Variants in HUNK observed in about 807,000 individuals in gnomAD.
The protein encoded by HUNK is hormonally up-regulated neu tumor-associated kinase.
HUNK carries 21 observed loss-of-function variants against 61.0 expected under a neutral mutation model. That is an observed-to-expected ratio of 0.34 (90% CI 0.24 to 0.50). HUNK has a LOEUF of 0.50. Ranked by LOEUF, HUNK falls within the 20% of genes least tolerant of loss-of-function variation. The probability of loss-of-function intolerance (pLI) is 0.98; values close to 1 mark genes in which losing one functional copy is unlikely to be tolerated. For synonymous variants in HUNK, 371 were observed against 386.1 expected, an observed-to-expected ratio of 0.96 and a Z score of 0.46; for missense variants, 772 against 945.7, an observed-to-expected ratio of 0.82 and a Z score of 2.41.
chr21:31,922,180 C>A (rs762112987), intron 1 of HUNK, among the ~76,000 whole-genome samples: 37 of 151,720 alleles, frequency 2.4e-4, no homozygotes, highest in Admixed American at 6.6e-5. Flanking sequence ...CCACACCCAG[C>A]TAATTTTTAT....
At chr21:31,943,279 G>A (rs1358744965) in intron 3 of HUNK, among the ~76,000 whole-genome samples, 1 of 152,106 alleles carries the variant, frequency 6.6e-6, no homozygotes, top group Non-Finnish European at 1.5e-5. Context: ...TGTCTGGTAA[G>A]TTTAATCTTA....
chr21:31,955,818 G>A (rs1245472591), intron 4 of HUNK, among the ~76,000 whole-genome samples: 1 of 152,230 alleles, frequency 6.6e-6, no homozygotes, highest in Non-Finnish European at 1.5e-5. Flanking sequence ...AGCACTTACT[G>A]CGGAAAAAAA....
At chr21:31,926,316 CATGT>C (rs2052659506) in intron 2 of HUNK, among the ~76,000 whole-genome samples, 1 of 152,136 alleles carries the variant, frequency 6.6e-6, no homozygotes, top group African/African-American at 2.4e-5. Flanking sequence ...CACGTGTGCA[CATGT>C]ATGTTTAAAT....
intron 1 of HUNK, among the ~76,000 whole-genome samples, chr21:31,917,939 C>G (rs1358678623): frequency 6.6e-6 from 1 of 152,108 alleles, no homozygotes; most frequent in Non-Finnish European, 1.5e-5. Context: ...TAATTTCACT[C>G]TGTAAAACTC....
intron 1 of HUNK, among the ~76,000 whole-genome samples, chr21:31,890,637 T>TA (rs1478926338): frequency 3.3e-5 from 5 of 152,218 alleles, no homozygotes; most frequent in South Asian, 2.1e-4. Flanking sequence ...TTGAGGTTGT[T>TA]ACAAAATTTT....
intron 1 of HUNK, among the ~76,000 whole-genome samples, chr21:31,911,920 C>T (rs2052548189): frequency 2.3e-5 from 1 of 43,930 alleles, no homozygotes. Flanking sequence ...GGCTGGACGG[C>T]AAGCAGGGAC....
intron 1 of HUNK, among the ~76,000 whole-genome samples, chr21:31,907,332 T>G (rs1008121160): frequency 6.6e-6 from 1 of 152,206 alleles, no homozygotes; most frequent in African/African-American, 2.4e-5. Flanking sequence ...ATGATAATAT[T>G]TTAGATAAAT....
chr21:31,921,154 C>CAAAAAAA (rs751938845), intron 1 of HUNK, among the ~76,000 whole-genome samples: 6 of 39,372 alleles, frequency 1.5e-4, no homozygotes, highest in East Asian at 1.2e-3. Context: ...GATTCCATCT[C>CAAAAAAA]AAAAAAAAAA....
chr21:31,936,101 T>C (rs2052732078), intron 2 of HUNK, among the ~76,000 whole-genome samples: 1 of 152,196 alleles, frequency 6.6e-6, no homozygotes. Flanking sequence ...CCAACCTTAT[T>C]TCTTTTTATC....
rs1352411643 is a variant in HUNK, at chr21:31,974,630, G to A, written c.1086G>A (p.Val362=). 1 of 1,613,908 alleles carries A rather than the reference G, an allele frequency of 6.2e-7. No individual in the cohort carries two copies. Among genetic ancestry groups the A allele is most frequent in the Admixed American group, 1.7e-5 (1 of 59,998 alleles). The change falls in exon 7 of 11, where the codon GTG becomes GTA. Residue 362 remains valine (V), a synonymous_variant. Transcript: ENST00000270112. ...AGCTGGGTTACAAGAACAGCGACGT[G>A]ATCAACACTGTGCTCTCCAACCGCG... ...TEKLGYKNSD[V]INTVLSNRAC... is the part of the protein sequence containing the mutation.
At chr21:31,978,981 C>T (rs1426577989) in intron 7 of HUNK, among the ~76,000 whole-genome samples, 1 of 152,166 alleles carries the variant, frequency 6.6e-6, no homozygotes, top group Non-Finnish European at 1.5e-5. Context: ...CACATCCTCT[C>T]CAACATGTGG....
chr21:31,998,478 G>A, intron 10 of HUNK, 48 bp from the exon 11 acceptor site: 1 of 1,493,928 alleles, frequency 6.7e-7, no homozygotes, highest in Non-Finnish European at 9.0e-7. Context: ...AGGGCCGTGA[G>A]CACTGTCCGG....
rs745317426 is a variant in HUNK at position 31,990,130 on chromosome 21, C to A, written c.1259C>A (p.Ala420Asp). Residue 420 changes from alanine (A) to aspartate (D), a missense_variant and splice_region_variant, in exon 9 of 11, where the codon GCC becomes GAC. Physicochemically the swap from Ala to Asp is moderately radical, Grantham distance 126. Around this residue, in one of 2 missense-constraint regions of HUNK, gnomAD observed 413 missense variants for 444.4 expected, o/e 0.93. Coordinates refer to ENST00000270112, the MANE Select transcript of HUNK (RefSeq NM_014586.2). ...KYRAPKESYE[A>D]SLDTWTRDLE... ...GTTGAAGGATGTTCCTTTTCACAGG[C>A]CTCTCTGGACACCTGGACACGAGAT... 6.2e-7 allele frequency: 1 copy of A among 1,613,734 alleles called. No homozygotes were observed. The highest frequency in any genetic ancestry group is 8.5e-7 in the Non-Finnish European group (1 of 1,179,718).
chr21:31,937,700 G>C (rs2052741554), intron 2 of HUNK, among the ~76,000 whole-genome samples: 1 of 152,132 alleles, frequency 6.6e-6, no homozygotes, highest in East Asian at 1.9e-4. Flanking sequence ...TTTAATGTAT[G>C]GTCTTAAATA....
At chr21:31,954,175 C>T (rs959766730) in intron 4 of HUNK, among the ~76,000 whole-genome samples, 1 of 152,154 alleles carries the variant, frequency 6.6e-6, no homozygotes, top group Non-Finnish European at 1.5e-5. Flanking sequence ...TGGGGTTGTC[C>T]TCCCATTATC....
At chr21:31,887,933 A>C (rs1316455100) in intron 1 of HUNK, among the ~76,000 whole-genome samples, 1 of 152,118 alleles carries the variant, frequency 6.6e-6, no homozygotes, top group East Asian at 1.9e-4. Context: ...TTTTGCTTTG[A>C]TCATGAGGAG....
rs1236184757 is a variant in HUNK at position 31,999,734 on chromosome 21, G to A, written c.*550G>A. The A allele has an allele frequency of 2.5e-5, 4 of 160,778 alleles. No individual in the cohort carries two copies. The highest frequency in any genetic ancestry group is 4.8e-5 in the African/African-American group (2 of 41,754). The allele number at this position is 160,778 out of a possible 1,614,324, so 10.0% of individuals were successfully genotyped here. ...TCAGAGGAAGATGGAGAGGAGCTTCGGACCAAGATCAAACCAAACAGTGGG... is the reference window on the plus strand; with the variant it reads ...TCAGAGGAAGATGGAGAGGAGCTTCAGACCAAGATCAAACCAAACAGTGGG... On this transcript the variant is annotated 3_prime_UTR_variant, in exon 11 of 11. Coordinates refer to ENST00000270112, the MANE Select transcript of HUNK (RefSeq NM_014586.2).
At chr21:31,901,319 A>C (rs1357671727) in intron 1 of HUNK, among the ~76,000 whole-genome samples, 1 of 152,142 alleles carries the variant, frequency 6.6e-6, no homozygotes, top group Non-Finnish European at 1.5e-5. Flanking sequence ...CAGAGGGTAG[A>C]GATACACCCT....
intron 6 of HUNK, among the ~76,000 whole-genome samples, chr21:31,969,849 C>T (rs1051740202): frequency 2.6e-5 from 4 of 152,130 alleles, no homozygotes; most frequent in African/African-American, 9.7e-5. Flanking sequence ...GCTTGAGCCA[C>T]TGTGCCCGGC....
Sources: gnomAD v4.1 joint callset for allele counts (sites outside exome capture counted in the v4.1 genomes callset) on GRCh38, gnomAD v4.1.1 for gene constraint, gnomAD v4.1.1 regional missense constraint, MANE v1.5 for transcripts, NCBI Gene and HGNC (gene_info 2026-07-23, HGNC 2026-07-21) for gene names.